Variants in ENPEP observed in about 807,000 individuals in gnomAD.
The protein encoded by ENPEP is AP-A.
A neutral mutation model predicts 114.5 loss-of-function variants in ENPEP; 103 were observed. The observed-to-expected ratio is 0.90, with a 90% CI of 0.77 to 1.06. The LOEUF (loss-of-function observed/expected upper bound fraction) is 1.06, where lower values mean the gene tolerates loss of function less well. ENPEP is among the 50% of genes least tolerant of loss of function. The pLI is 0.00. For missense variants in ENPEP, 1,196 were observed against 1,161.3 expected (o/e 1.03, Z -0.43); for synonymous variants, 420 against 422.0 (o/e 1.00, Z 0.06).
intron 11 of ENPEP, among the ~76,000 whole-genome samples, chr4:110,538,043 A>T (rs889096011): frequency 7.9e-5 from 12 of 152,194 alleles, no homozygotes; most frequent in African/African-American, 2.7e-4. Context: ...TGCAGAGTAG[A>T]TTTAGCATAA....
chr4:110,561,267 C>G, intron 19 of ENPEP, 139 bp from the exon 20 acceptor site: 1 of 852,300 alleles, frequency 1.2e-6, no homozygotes, highest in African/African-American at 1.7e-5. Context: ...CTGAATGATG[C>G]GCCAGAGGTG....
chr4:110,487,014 G>A (rs533408419), intron 1 of ENPEP, among the ~76,000 whole-genome samples: 2 of 152,132 alleles, frequency 1.3e-5, no homozygotes, highest in East Asian at 3.9e-4. Context: ...GCTGTTTTCT[G>A]TTCCTGGGTG....
At chr4:110,555,503 C>A (rs1434377197) in intron 18 of ENPEP, among the ~76,000 whole-genome samples, 2 of 152,042 alleles carry the variant, frequency 1.3e-5, no homozygotes, top group Non-Finnish European at 2.9e-5. Context: ...GATGGCCACA[C>A]TGCTAATGTC....
chr4:110,515,243 T>C (rs1056317226), intron 7 of ENPEP, 134 bp from the exon 8 acceptor site: 1 of 707,784 alleles, frequency 1.4e-6, no homozygotes, highest in African/African-American at 1.8e-5. Context: ...TAGAGCCATA[T>C]AATTTAGCAG....
chr4:110,510,353 C>G lies in ENPEP; in HGVS notation c.1303C>G (p.Gln435Glu), dbSNP rs1403479294. ...LGVNHAETDW[Q>E]MRDQMLLEDV... ...AGTAAACCATGCAGAAACAGACTGG[C>G]AAATGGTGAGTCCTAAACACATAAA... The change falls in exon 6 of 20, where the codon CAA (glutamine) becomes GAA (glutamate). Residue 435 changes from glutamine to glutamate, a missense_variant. Physicochemically the swap from Gln to Glu is conservative, Grantham distance 29. Transcript: ENST00000265162. 1.2e-6 allele frequency: 2 copies of G among 1,612,500 alleles called. No homozygotes were observed. The highest frequency in any genetic ancestry group is 1.7e-6 in the Non-Finnish European group (2 of 1,178,490).
intron 11 of ENPEP, among the ~76,000 whole-genome samples, chr4:110,539,797 TATC>T (rs34220057): frequency 0.5 from 75,427 of 151,656 alleles, 19,628 homozygotes; most frequent in African/African-American, 0.65. Flanking sequence ...ACAGCATTCA[TATC>T]ATCACCTAAG....
intron 18 of ENPEP, among the ~76,000 whole-genome samples, chr4:110,554,449 C>T (rs565243664): frequency 6.6e-6 from 1 of 151,936 alleles, no homozygotes; most frequent in African/African-American, 2.4e-5. Flanking sequence ...ATTGCTTCTG[C>T]CTGCTTGTGA....
In ENPEP at chr4:110,565,005, GTTGT is replaced by G. The variant is rs1263614126; in HGVS notation, c.*3448_*3451del. 1.3e-5 allele frequency: 2 copies of G among 152,086 alleles called. No homozygotes were observed. Among genetic ancestry groups the G allele is most frequent in the African/African-American group, 4.8e-5 (2 of 41,404 alleles). The allele number at this position is 152,086 out of a possible 1,614,324, so 9.4% of individuals were successfully genotyped here. On this transcript the variant is annotated 3_prime_UTR_variant, in exon 20 of 20. Transcript: ENST00000265162. ...TATTGTAAATCACTGAGATTTTGAG[GTTGT>G]CTGTTACTGCAGCATAATCTAGCCT... is the stretch of plus-strand genomic sequence containing the variant.
intron 10 of ENPEP, among the ~76,000 whole-genome samples, chr4:110,526,476 G>A (rs1002800386): frequency 5.9e-5 from 9 of 152,208 alleles, no homozygotes; most frequent in African/African-American, 2.2e-4. Context: ...AGGTCACACA[G>A]TGTAAATAAT....
intron 5 of ENPEP, among the ~76,000 whole-genome samples, 198 bp from the exon 6 acceptor site, chr4:110,510,043 CTAAA>C (rs774505130): frequency 3.9e-5 from 6 of 152,016 alleles, no homozygotes; most frequent in Non-Finnish European, 5.9e-5. Context: ...CCAGTAATAA[CTAAA>C]TAAAGGCAAT....
Position 110,561,760 on chromosome 4 carries a change from C to G in ENPEP, c.*202C>G, listed in dbSNP as rs1727688084. On this transcript the variant is annotated 3_prime_UTR_variant, in exon 20 of 20. Coordinates refer to ENST00000265162, the MANE Select transcript of ENPEP (RefSeq NM_001977.4). ...AGATACTAATAGAGTACTTAATATA[C>G]TCAGGGATTCCTTCTAAGTGTACTT... is the stretch of plus-strand genomic sequence containing the variant. 3 of 457,704 alleles carry G rather than the reference C, an allele frequency of 6.6e-6. No individual in the cohort carries two copies. Among genetic ancestry groups the G allele is most frequent in the Non-Finnish European group, 1.1e-5 (3 of 262,996 alleles). The allele number at this position is 457,704 out of a possible 1,614,324, so 28.4% of individuals were successfully genotyped here.
intron 11 of ENPEP, among the ~76,000 whole-genome samples, chr4:110,534,615 C>T (rs1726543910): frequency 7.1e-6 from 1 of 140,988 alleles, no homozygotes. Context: ...TCAAGTGATT[C>T]TCCTGCCTCA....
intron 10 of ENPEP, among the ~76,000 whole-genome samples, chr4:110,525,943 G>A (rs2110368781): frequency 6.6e-6 from 1 of 152,184 alleles, no homozygotes; most frequent in East Asian, 1.9e-4. Flanking sequence ...TTTAAGGTGA[G>A]CAAATTGGTG....
Position 110,542,788 on chromosome 4 carries a change from T to C in ENPEP, c.1845T>C (p.Ala615=). 1 of 1,613,018 alleles carries C rather than the reference T, an allele frequency of 6.2e-7. No individual in the cohort carries two copies. Among genetic ancestry groups the C allele is most frequent in the Non-Finnish European group, 8.5e-7 (1 of 1,179,282 alleles). The part of the protein sequence containing the change: ...TLNSSNPSGN[A]FLKINPDHIG... ...ACTCCTCTAATCCTAGTGGAAATGC[T>C]TTTCTCAAAATAAACCCAGATCATA... Residue 615 remains alanine (A), a synonymous_variant, in exon 12 of 20, where the codon GCT becomes GCC. Transcript: ENST00000265162.
rs1219786260 is a variant in ENPEP at position 110,562,784 on chromosome 4, C to A, written c.*1226C>A. The A allele has an allele frequency of 6.6e-6, 1 of 152,086 alleles. No individual in the cohort carries two copies. Among genetic ancestry groups the A allele is most frequent in the East Asian group, 1.9e-4 (1 of 5,198 alleles). The allele number at this position is 152,086 out of a possible 1,614,324, so 9.4% of individuals were successfully genotyped here. ...AATAGGCAGAAAAGATGGTAAGTTA[C>A]TATGTTTCAATCTGCTATATCTAGA... On this transcript the variant is annotated 3_prime_UTR_variant, in exon 20 of 20. Coordinates refer to ENST00000265162, the MANE Select transcript of ENPEP (RefSeq NM_001977.4).
intron 11 of ENPEP, among the ~76,000 whole-genome samples, chr4:110,542,217 G>C (rs1014135208): frequency 6.6e-6 from 1 of 152,110 alleles, no homozygotes; most frequent in Non-Finnish European, 1.5e-5. Context: ...CATTTTAAAA[G>C]TGTTGCTGAT....
chr4:110,514,069 G>T (rs998045730), intron 7 of ENPEP, among the ~76,000 whole-genome samples: 10 of 152,098 alleles, frequency 6.6e-5, no homozygotes, highest in Non-Finnish European at 1.3e-4. Context: ...TTTATGAAAA[G>T]TTGCTGGAAA....
At chr4:110,504,040 T>A (rs116514445) in intron 3 of ENPEP, among the ~76,000 whole-genome samples, 7,150 of 152,270 alleles carry the variant, frequency 0.047, 492 homozygotes, top group African/African-American at 0.14. Flanking sequence ...TTGGCACTCC[T>A]GGGCTGCTCA....
rs1727783118 is a variant in ENPEP, at chr4:110,565,014, T to TA, written c.*3457dup. 1 of 152,182 alleles carries TA rather than the reference T, an allele frequency of 6.6e-6. No individual in the cohort carries two copies. The highest frequency in any genetic ancestry group is 1.5e-5 in the Non-Finnish European group (1 of 68,042). 9.4% of individuals were successfully genotyped at this position (152,182 alleles called of 1,614,324 possible). ...TCACTGAGATTTTGAGGTTGTCTGTTACTGCAGCATAATCTAGCCTAATAT... is the reference window on the plus strand; with the variant it reads ...TCACTGAGATTTTGAGGTTGTCTGTTAACTGCAGCATAATCTAGCCTAATAT... On this transcript the variant is annotated 3_prime_UTR_variant, in exon 20 of 20. Coordinates refer to ENST00000265162, the MANE Select transcript of ENPEP (RefSeq NM_001977.4).
Sources: gnomAD v4.1 joint callset for allele counts (sites outside exome capture counted in the v4.1 genomes callset) on GRCh38, gnomAD v4.1.1 for gene constraint, MANE v1.5 for transcripts, NCBI Gene and HGNC (gene_info 2026-07-23, HGNC 2026-07-21) for gene names.